The following CLSTN2 variants were observed in gnomAD, a reference collection of about 807,000 sequenced individuals.
The protein encoded by CLSTN2 is calsyntenin-2.
CLSTN2 carries 48 observed loss-of-function variants against 101.2 expected under a neutral mutation model. The ratio of observed to expected loss-of-function variants is 0.47; its 90% CI spans 0.38 to 0.60. The LOEUF (loss-of-function observed/expected upper bound fraction) is 0.60, where lower values mean the gene tolerates loss of function less well. CLSTN2 is among the 20% of genes least tolerant of loss of function. The pLI is 0.00. For missense variants in CLSTN2, 1,160 were observed against 1,238.2 expected (o/e 0.94, Z 0.95); for synonymous variants, 481 against 463.6 (o/e 1.04, Z -0.48).
chr3:140,388,081 T>C (rs1576544267), intron 2 of CLSTN2, among the ~76,000 whole-genome samples: 1 of 152,238 alleles, frequency 6.6e-6, no homozygotes, highest in Non-Finnish European at 1.5e-5. Context: ...CTTGCCGTGG[T>C]TTAACGTCTT....
chr3:140,472,591 A>G (rs1933874266), intron 8 of CLSTN2, among the ~76,000 whole-genome samples: 1 of 152,158 alleles, frequency 6.6e-6, no homozygotes, highest in African/African-American at 2.4e-5. Context: ...GTTTCTTCCA[A>G]TGCAGCAGGC....
intron 2 of CLSTN2, among the ~76,000 whole-genome samples, chr3:140,231,006 T>A (rs1033728844): frequency 3.0e-4 from 45 of 152,320 alleles, no homozygotes; most frequent in African/African-American, 1.1e-3. Flanking sequence ...AACTTGGTTT[T>A]TAAGCAAGAA....
intron 2 of CLSTN2, among the ~76,000 whole-genome samples, chr3:140,180,656 A>G (rs2010394473): frequency 6.6e-6 from 1 of 152,154 alleles, no homozygotes; most frequent in African/African-American, 2.4e-5. Flanking sequence ...TTCAGAGATG[A>G]TAGAACTGCT....
At chr3:140,052,516 T>G (rs931020128) in intron 1 of CLSTN2, among the ~76,000 whole-genome samples, 1 of 152,188 alleles carries the variant, frequency 6.6e-6, no homozygotes, top group African/African-American at 2.4e-5. Context: ...GATTCTAGGT[T>G]TATTCTCATA....
At chr3:140,227,690 G>GC (rs112035913) in intron 2 of CLSTN2, among the ~76,000 whole-genome samples, 1,570 of 152,332 alleles carry the variant, frequency 0.01, 24 homozygotes, top group African/African-American at 0.036. Flanking sequence ...TTCTGTCTGG[G>GC]CATCCAGGTG....
intron 8 of CLSTN2, among the ~76,000 whole-genome samples, chr3:140,488,623 T>A (rs1192212025): frequency 6.8e-6 from 1 of 146,396 alleles, no homozygotes; most frequent in Non-Finnish European, 1.5e-5. Context: ...TGCTGTGGAA[T>A]GCATTTAATA....
At chr3:140,152,320 C>T (rs2009880912) in intron 1 of CLSTN2, among the ~76,000 whole-genome samples, 2 of 151,818 alleles carry the variant, frequency 1.3e-5, no homozygotes, top group Admixed American at 1.3e-4. Flanking sequence ...TTCTCGTTTC[C>T]CATGCTGTTC....
At chr3:140,383,328 A>G (rs2088008529) in intron 2 of CLSTN2, among the ~76,000 whole-genome samples, 1 of 152,154 alleles carries the variant, frequency 6.6e-6, no homozygotes, top group Non-Finnish European at 1.5e-5. Flanking sequence ...CTGGTATATA[A>G]TGGGTGCCCA....
At chr3:140,351,222 G>T (rs1162923847) in intron 2 of CLSTN2, among the ~76,000 whole-genome samples, 1 of 152,048 alleles carries the variant, frequency 6.6e-6, no homozygotes, top group East Asian at 1.9e-4. Flanking sequence ...GAAAGAGAGG[G>T]TTTAATTTAA....
intron 4 of CLSTN2, among the ~76,000 whole-genome samples, chr3:140,420,595 C>T (rs1416079606): frequency 1.3e-5 from 2 of 152,192 alleles, no homozygotes; most frequent in Admixed American, 1.3e-4. Flanking sequence ...TTCTATGTCG[C>T]TTTCAGAAGG....
At chr3:140,273,374 A>G (rs2086762676) in intron 2 of CLSTN2, among the ~76,000 whole-genome samples, 1 of 152,150 alleles carries the variant, frequency 6.6e-6, no homozygotes, top group Non-Finnish European at 1.5e-5. Flanking sequence ...ACTTAAAGTA[A>G]AATAAGAATA....
At chr3:140,136,838 A>T (rs2009622763) in intron 1 of CLSTN2, among the ~76,000 whole-genome samples, 1 of 152,144 alleles carries the variant, frequency 6.6e-6, no homozygotes, top group South Asian at 2.1e-4. Context: ...ATGTGGATGG[A>T]TGGGGAAAGA....
At chr3:140,237,386 A>C (rs1383797419) in intron 2 of CLSTN2, among the ~76,000 whole-genome samples, 1 of 152,176 alleles carries the variant, frequency 6.6e-6, no homozygotes, top group African/African-American at 2.4e-5. Context: ...GCTCCTTTTT[A>C]GTAGTTTTTC....
intron 1 of CLSTN2, among the ~76,000 whole-genome samples, chr3:140,130,095 A>G (rs1248453717): frequency 2.6e-5 from 4 of 152,156 alleles, no homozygotes; most frequent in Non-Finnish European, 4.4e-5. Context: ...GCATGTTGCA[A>G]TGTGACAGCC....
intron 2 of CLSTN2, among the ~76,000 whole-genome samples, chr3:140,200,542 G>GA (rs1460124973): frequency 6.6e-6 from 1 of 152,074 alleles, no homozygotes; most frequent in South Asian, 2.1e-4. Context: ...GGATAGTTGT[G>GA]AAAAAAATAT....
At chr3:139,979,640 C>CT (rs1288396019) in intron 1 of CLSTN2, among the ~76,000 whole-genome samples, 1 of 152,158 alleles carries the variant, frequency 6.6e-6, no homozygotes, top group African/African-American at 2.4e-5. Flanking sequence ...TTTCTCACAA[C>CT]TTTTTGGAAA....
chr3:140,563,086 A>G lies in CLSTN2; in HGVS notation c.2365A>G (p.Ile789Val). The change falls in exon 15 of 17, where the codon ATC becomes GTC. Residue 789 changes from isoleucine to valine, a missense_variant. Physicochemically the swap from Ile to Val is conservative, Grantham distance 29. Transcript: ENST00000458420. Reference protein sequence around the residue: ...TSNEFNLEVSILHEDQVSDKE... With the variant: ...TSNEFNLEVSVLHEDQVSDKE... ...CTCTCCCCACTCTTCCCAGGTCAGC[A>G]TCCTTCATGAAGACCAAGTCTCAGA... The G allele has an allele frequency of 6.2e-7, 1 of 1,614,120 alleles. No homozygotes were observed.
chr3:140,452,355 C>G (rs1434337960), intron 6 of CLSTN2: 1 of 152,346 alleles, frequency 6.6e-6, no homozygotes, highest in Non-Finnish European at 1.5e-5. Flanking sequence ...TCTCCTCCCA[C>G]TAGGATGGTC....
chr3:140,340,450 G>A (rs1458554469), intron 2 of CLSTN2, among the ~76,000 whole-genome samples: 2 of 152,152 alleles, frequency 1.3e-5, no homozygotes, highest in Admixed American at 1.3e-4. Flanking sequence ...TGCAAAGAGA[G>A]GGCTATAAAC....
Sources: allele counts gnomAD v4.1 joint callset (sites outside exome capture counted in the v4.1 genomes callset), GRCh38; gene constraint gnomAD v4.1.1; transcripts MANE v1.5; gene names NCBI Gene and HGNC (gene_info 2026-07-23, HGNC 2026-07-21).